Variants in PRR16 observed in about 807,000 individuals in gnomAD.
PRR16 encodes proline rich 16.
A neutral mutation model predicts 18.2 loss-of-function variants in PRR16; 6 were observed. The ratio of observed to expected loss-of-function variants is 0.33; its 90% confidence interval spans 0.18 to 0.65. PRR16 has a LOEUF of 0.65. Among genes scored for constraint, PRR16 ranks in the 30% least tolerant of loss-of-function variants. The probability of loss-of-function intolerance (pLI) is 0.74; values close to 1 mark genes in which losing one functional copy is unlikely to be tolerated. For missense variants in PRR16, 412 were observed against 376.6 expected (o/e 1.09, Z -0.78); for synonymous variants, 151 against 147.8 (o/e 1.02, Z -0.16).
chr5:120,619,287 T>G (rs1754611227), intron 1 of PRR16, among the ~76,000 whole-genome samples: 1 of 152,170 alleles, frequency 6.6e-6, no homozygotes, highest in Non-Finnish European at 1.5e-5. Flanking sequence ...GATCTAAATA[T>G]TTAACTGTTT....
the PRR16 span, among the ~76,000 whole-genome samples, chr5:120,701,656 G>A: frequency 1.3e-5 from 2 of 152,076 alleles, no homozygotes; most frequent in Admixed American, 6.6e-5. Flanking sequence ...AGCCTGGAGA[G>A]GAAAGGAGAG....
At chr5:120,661,865 A>C (rs532945288) in intron 1 of PRR16, among the ~76,000 whole-genome samples, 1 of 152,202 alleles carries the variant, frequency 6.6e-6, no homozygotes, top group Admixed American at 6.6e-5. Context: ...CCTTGTCATG[A>C]ATTTTCTGTC....
the PRR16 span, among the ~76,000 whole-genome samples, chr5:120,704,589 G>A: frequency 7.0e-4 from 106 of 152,118 alleles, no homozygotes; most frequent in African/African-American, 2.5e-3. Flanking sequence ...TTTGCTTTCC[G>A]TTATATACCA....
At chr5:120,612,560 T>C (rs959186874) in intron 1 of PRR16, among the ~76,000 whole-genome samples, 25 of 150,268 alleles carry the variant, frequency 1.7e-4, no homozygotes, top group African/African-American at 5.6e-4. Flanking sequence ...GCTTCTACTT[T>C]TGCTTCTTCC....
intron 1 of PRR16, among the ~76,000 whole-genome samples, chr5:120,568,736 A>AT (rs575908601): frequency 6.6e-6 from 1 of 151,978 alleles, no homozygotes; most frequent in South Asian, 2.1e-4. Flanking sequence ...ATCAACACAA[A>AT]TTTTTTTTAA....
intron 1 of PRR16, among the ~76,000 whole-genome samples, chr5:120,534,465 C>A (rs959039447): frequency 1.3e-5 from 2 of 152,072 alleles, no homozygotes; most frequent in African/African-American, 2.4e-5. Context: ...AGTCTAACAA[C>A]TGTTTTACAC....
the PRR16 span, among the ~76,000 whole-genome samples, chr5:120,780,697 A>G: frequency 6.6e-6 from 1 of 152,202 alleles, no homozygotes; most frequent in Admixed American, 6.5e-5. Context: ...ATAATTGTAT[A>G]AGGATATTAT....
At chr5:120,519,088 G>T (rs1303411770) in intron 1 of PRR16, among the ~76,000 whole-genome samples, 3 of 152,006 alleles carry the variant, frequency 2.0e-5, no homozygotes, top group Non-Finnish European at 4.4e-5. Context: ...AATATAACCT[G>T]CAAGGAGGGA....
chr5:120,575,256 T>A (rs1753035348), intron 1 of PRR16, among the ~76,000 whole-genome samples: 1 of 150,804 alleles, frequency 6.6e-6, no homozygotes, highest in Non-Finnish European at 1.5e-5. Context: ...ATAATGTTTA[T>A]AGTAGGATTA....
the PRR16 span, among the ~76,000 whole-genome samples, chr5:120,754,694 C>T: frequency 2.2e-5 from 3 of 135,898 alleles, no homozygotes; most frequent in South Asian, 2.2e-4. Context: ...TGTTTTCTTC[C>T]TGATATAACT....
the PRR16 span, among the ~76,000 whole-genome samples, chr5:120,728,086 T>C: frequency 6.6e-6 from 1 of 152,096 alleles, no homozygotes; most frequent in East Asian, 1.9e-4. Context: ...ACATATATTG[T>C]TTGATTAAAT....
chr5:120,504,828 C>T (rs750954017), intron 1 of PRR16, among the ~76,000 whole-genome samples: 1 of 152,098 alleles, frequency 6.6e-6, no homozygotes, highest in African/African-American at 2.4e-5. Flanking sequence ...GTCGCATACC[C>T]TGGGATTACC....
At chr5:120,694,501 G>C in the PRR16 span, among the ~76,000 whole-genome samples, 1 of 151,892 alleles carries the variant, frequency 6.6e-6, no homozygotes, top group African/African-American at 2.4e-5. Context: ...TGGCTAACAC[G>C]GTGAAACCCC....
chr5:120,482,648 C>T (rs566600375), intron 1 of PRR16, among the ~76,000 whole-genome samples: 1 of 152,022 alleles, frequency 6.6e-6, no homozygotes, highest in Non-Finnish European at 1.5e-5. Context: ...ATATACCTGG[C>T]AATGGGATTG....
Position 120,671,126 on chromosome 5 carries a change from C to G in PRR16, c.160-14828C>G, listed in dbSNP as rs115482685. Reference sequence around the variant, plus strand: ...TAAAATGTGCACATATACACACACACCATACCCCTTACACTGTACTACATT... The same window carrying G: ...TAAAATGTGCACATATACACACACAGCATACCCCTTACACTGTACTACATT... On this transcript the variant is annotated intron_variant, in intron 1 of 1. Transcript: ENST00000407149. 4.1e-3 allele frequency among the ~76,000 whole-genome samples: 622 copies of G among 152,216 alleles called. 3 individuals carry two copies. The highest frequency in any genetic ancestry group is 0.014 in the African/African-American group (596 of 41,542).
chr5:120,759,039 C>G, the PRR16 span, among the ~76,000 whole-genome samples: 42 of 140,886 alleles, frequency 3.0e-4, no homozygotes, highest in Non-Finnish European at 5.1e-4. Context: ...TGCAGTGGCA[C>G]AATCTCAGCT....
chr5:120,490,059 A>T (rs942241957), intron 1 of PRR16, among the ~76,000 whole-genome samples: 3 of 152,072 alleles, frequency 2.0e-5, no homozygotes, highest in African/African-American at 7.2e-5. Flanking sequence ...GGGTAACCCG[A>T]CCTTTCTCTC....
chr5:120,667,325 T>A (rs1449102379), intron 1 of PRR16, among the ~76,000 whole-genome samples: 2 of 141,096 alleles, frequency 1.4e-5, no homozygotes, highest in Non-Finnish European at 1.6e-5. Flanking sequence ...TTTTATTGTG[T>A]CTATTTGATT....
At chr5:120,679,087 C>T (rs753536404) in intron 1 of PRR16, among the ~76,000 whole-genome samples, 2 of 152,100 alleles carry the variant, frequency 1.3e-5, no homozygotes, top group African/African-American at 2.4e-5. Context: ...TCTACTATAG[C>T]TTCCTTGTAT....
Sources: allele counts gnomAD v4.1 joint callset (sites outside exome capture counted in the v4.1 genomes callset), GRCh38; gene constraint gnomAD v4.1.1; transcripts MANE v1.5; gene names NCBI Gene and HGNC (gene_info 2026-07-23, HGNC 2026-07-21).